TRAPPC9: variants seen among roughly 807,000 people sequenced by gnomAD.
TRAPPC9 encodes the protein IKK2 binding protein.
In TRAPPC9, 83 loss-of-function variants were observed where a neutral mutation model predicts 124.0. The observed-to-expected ratio is 0.67, with a 90% CI of 0.56 to 0.80. TRAPPC9 has a LOEUF of 0.80. TRAPPC9 is among the 30% of genes least tolerant of loss of function. The pLI is 0.00. For missense variants in TRAPPC9, 1,302 were observed against 1,508.3 expected (o/e 0.86, Z 2.27); for synonymous variants, 638 against 617.5 (o/e 1.03, Z -0.49).
At chr8:139,899,120 C>CAAAAAAAAAAAAAAAAAAAAAAAAATTTA (rs33927933) in intron 20 of TRAPPC9, among the ~76,000 whole-genome samples, 1 of 45,468 alleles carries the variant, frequency 2.2e-5, no homozygotes, top group Non-Finnish European at 3.8e-5. Context: ...AACTCCGTCT[C>CAAAAAAAAAAAAAAAAAAAAAAAAATTTA]AAAAAAAAAA....
chr8:140,137,864 T>C (rs1461634041), intron 17 of TRAPPC9, among the ~76,000 whole-genome samples: 1 of 152,222 alleles, frequency 6.6e-6, no homozygotes, highest in Non-Finnish European at 1.5e-5. Flanking sequence ...ACGATTATAA[T>C]TTTTCAATAA....
chr8:140,272,123 A>ATGGTGG (rs747313835), intron 15 of TRAPPC9, among the ~76,000 whole-genome samples: 2 of 141,172 alleles, frequency 1.4e-5, no homozygotes, highest in African/African-American at 5.5e-5. Context: ...GGCAATGGTG[A>ATGGTGG]TGGTGGCGAT....
In TRAPPC9 at chr8:140,395,956, C is replaced by A. The variant is rs1347216099; in HGVS notation, c.1134+1664G>T. 2.0e-5 allele frequency among the ~76,000 whole-genome samples: 3 copies of A among 152,072 alleles called. No homozygotes were observed. In the East Asian group the frequency reaches 5.8e-4, roughly 29 times the overall value. On this transcript the variant is annotated intron_variant, in intron 7 of 22. Coordinates refer to ENST00000438773, the MANE Select transcript of TRAPPC9 (RefSeq NM_001160372.4). ...CACAGCCGGCCGCTGACCCTTTCCACGTAGACTCCCAAGCACGTTTCCAGC... is the reference window on the plus strand; with the variant it reads ...CACAGCCGGCCGCTGACCCTTTCCAAGTAGACTCCCAAGCACGTTTCCAGC...
At chr8:139,789,244 G>A (rs555707972) in intron 21 of TRAPPC9, among the ~76,000 whole-genome samples, 9 of 152,254 alleles carry the variant, frequency 5.9e-5, no homozygotes, top group East Asian at 1.9e-4. Context: ...CTAGGGTCCC[G>A]GGCCCGCACC....
chr8:140,364,083 G>A (rs894920057), intron 8 of TRAPPC9, among the ~76,000 whole-genome samples: 1 of 152,088 alleles, frequency 6.6e-6, no homozygotes, highest in Non-Finnish European at 1.5e-5. Flanking sequence ...AGGATGACCG[G>A]GAGTGAGGCA....
chr8:139,794,765 C>T (rs1229719315), intron 21 of TRAPPC9, among the ~76,000 whole-genome samples: 2 of 152,190 alleles, frequency 1.3e-5, no homozygotes, highest in Non-Finnish European at 1.5e-5. Context: ...CTGGCGAGGA[C>T]GAGTGCTCAG....
At chr8:140,002,845 A>C (rs1458164552) in intron 18 of TRAPPC9, among the ~76,000 whole-genome samples, 651 of 32,786 alleles carry the variant, frequency 0.02, 3 homozygotes, top group African/African-American at 0.14. Context: ...TCCACTTATC[A>C]AAAAAAAAAA....
At chr8:140,375,241 C>T (rs1194163081) in intron 7 of TRAPPC9, among the ~76,000 whole-genome samples, 1 of 152,192 alleles carries the variant, frequency 6.6e-6, no homozygotes, top group East Asian at 1.9e-4. Context: ...GCATATTAAT[C>T]AGCACATCTT....
chr8:140,121,484 G>T (rs994723140), intron 17 of TRAPPC9, among the ~76,000 whole-genome samples: 8 of 152,210 alleles, frequency 5.3e-5, no homozygotes, highest in Admixed American at 2.6e-4. Flanking sequence ...AGGCAGGAAG[G>T]CCAGGGCAGA....
chr8:140,299,018 C>T (rs1000860921), intron 11 of TRAPPC9, among the ~76,000 whole-genome samples: 5 of 152,174 alleles, frequency 3.3e-5, no homozygotes, highest in African/African-American at 9.7e-5. Flanking sequence ...CAGACAGCAC[C>T]GCTAGAGATG....
chr8:139,938,934 C>A (rs1219312195), intron 19 of TRAPPC9, among the ~76,000 whole-genome samples: 2 of 152,100 alleles, frequency 1.3e-5, no homozygotes, highest in African/African-American at 4.8e-5. Flanking sequence ...CGTGAGCCAC[C>A]GCGCCCGGCC....
intron 14 of TRAPPC9, among the ~76,000 whole-genome samples, chr8:140,276,141 A>C (rs897000464): frequency 2.6e-5 from 4 of 152,240 alleles, no homozygotes; most frequent in African/African-American, 9.6e-5. Flanking sequence ...TATAAAAATT[A>C]CATGATGAAT....
rs765322889 is a variant in TRAPPC9, at chr8:140,439,249, A to G, written c.585-52T>C. 6 of 1,596,534 alleles carry G rather than the reference A, an allele frequency of 3.8e-6. No individual in the cohort carries two copies. The South Asian group carries it at 5.5e-5, about 15-fold the overall frequency. On this transcript the variant is annotated intron_variant, in intron 2 of 22. Coordinates refer to ENST00000438773, the MANE Select transcript of TRAPPC9 (RefSeq NM_001160372.4). ...TATTACTATACAACTCCCACCCAGA[A>G]AGCACTCTGACTAAGCACTATTCAA...
At position 140,015,137 on chromosome 8, in the gene TRAPPC9, C is replaced by A. The variant is rs568211276; in HGVS notation, c.2699+8800G>T. On this transcript the variant is annotated intron_variant, in intron 18 of 22. Coordinates refer to ENST00000438773, the MANE Select transcript of TRAPPC9 (RefSeq NM_001160372.4). ...GACATATATTTGGCTTCTATTTGCA[C>A]CAAAATTAGTCTGAATCTCTGTGTA... Among the ~76,000 whole-genome samples, 155 of 152,304 alleles carry A rather than the reference C, an allele frequency of 1.0e-3. 1 individual carries two copies. The highest frequency in any genetic ancestry group is 3.2e-3 in the African/African-American group (131 of 41,578).
At chr8:139,780,745 C>T (rs143142424) in intron 21 of TRAPPC9, among the ~76,000 whole-genome samples, 3 of 151,704 alleles carry the variant, frequency 2.0e-5, no homozygotes, top group East Asian at 3.9e-4. Context: ...GAAGACAAGC[C>T]GTAGCAAATA....
intron 17 of TRAPPC9, chr8:140,095,161 C>T (rs1587693742): frequency 1.3e-5 from 2 of 152,286 alleles, no homozygotes; most frequent in Admixed American, 1.3e-4. Flanking sequence ...GAGACCTGAA[C>T]ATCAGATGTC....
chr8:139,732,145 C>T lies in TRAPPC9; in HGVS notation c.3113G>A (p.Gly1038Asp). Residue 1038 changes from glycine (G) to aspartate (D), a missense_variant, in exon 22 of 23, where the codon GGC (glycine) becomes GAC (aspartate). Transcript: ENST00000438773. ...CCGCACCTCCAGGCGCACGGGGTCG[C>T]CCACCTGGCAGGCCGCCACAGCCTC... ...DREAVAACQV[G>D]DPVRLEVRLT... 6.2e-7 allele frequency: 1 copy of T among 1,604,916 alleles called. No homozygotes were observed. The highest frequency in any genetic ancestry group is 8.5e-7 in the Non-Finnish European group (1 of 1,177,182).
chr8:140,167,337 G>A (rs1247372726), intron 17 of TRAPPC9, among the ~76,000 whole-genome samples: 1 of 152,108 alleles, frequency 6.6e-6, no homozygotes, highest in Non-Finnish European at 1.5e-5. Flanking sequence ...CAAAAATAGG[G>A]GTGAAGTGGT....
At chr8:140,111,444 G>A (rs764551964) in intron 17 of TRAPPC9, among the ~76,000 whole-genome samples, 2 of 152,190 alleles carry the variant, frequency 1.3e-5, no homozygotes, top group Non-Finnish European at 2.9e-5. Flanking sequence ...GCTGCCTCTG[G>A]AACATGGTGG....
Sources: gnomAD v4.1 joint callset for allele counts (sites outside exome capture counted in the v4.1 genomes callset) on GRCh38, gnomAD v4.1.1 for gene constraint, MANE v1.5 for transcripts, NCBI Gene and HGNC (gene_info 2026-07-23, HGNC 2026-07-21) for gene names.